The following IL1RAPL2 variants were observed in gnomAD, a reference collection of about 807,000 sequenced individuals.
IL1RAPL2 encodes the protein X-linked interleukin-1 receptor accessory protein-like 2.
In IL1RAPL2, 3 loss-of-function variants were observed where a neutral mutation model predicts 44.1. That is an observed-to-expected ratio of 0.07 (90% confidence interval 0.03 to 0.18). The LOEUF (loss-of-function observed/expected upper bound fraction) is 0.18. Ranked by LOEUF, IL1RAPL2 falls within the 10% of genes least tolerant of loss-of-function variation. The pLI is 1.00. For missense variants in IL1RAPL2, 391 were observed against 496.4 expected (o/e 0.79, Z 2.02); for synonymous variants, 181 against 178.8 (o/e 1.01, Z -0.10).
At chrX:105,015,772 G>T (rs918918026) in intron 2 of IL1RAPL2, among the ~76,000 whole-genome samples, 2 of 111,613 alleles carry the variant, frequency 1.8e-5, no homozygotes, top group African/African-American at 6.5e-5. Context: ...TGTTCTTTTT[G>T]CTTAGGATTG....
intron 2 of IL1RAPL2, among the ~76,000 whole-genome samples, chrX:104,916,998 G>A (rs1355500376): frequency 1.8e-5 from 2 of 111,579 alleles, no homozygotes; most frequent in Non-Finnish European, 3.8e-5. Context: ...TTTTTGCATT[G>A]ATGTTCATCA....
chrX:105,326,075 C>G (rs966408339), intron 5 of IL1RAPL2, among the ~76,000 whole-genome samples: 1 of 111,321 alleles, frequency 9.0e-6, no homozygotes. Context: ...TTTTTAGATA[C>G]AGGATCTCAC....
intron 2 of IL1RAPL2, among the ~76,000 whole-genome samples, chrX:105,149,335 C>T (rs755167463): frequency 1.7e-4 from 19 of 111,508 alleles, no homozygotes; most frequent in African/African-American, 3.6e-4. Context: ...TAAAAAATAG[C>T]GAGAATAGAG....
intron 2 of IL1RAPL2, among the ~76,000 whole-genome samples, chrX:104,826,727 A>G (rs965423471): frequency 9.1e-6 from 1 of 110,011 alleles, no homozygotes; most frequent in Admixed American, 9.8e-5. Flanking sequence ...TTCTCCCACT[A>G]TTATTGTGTG....
At chrX:104,582,868 C>A (rs866766601) in intron 1 of IL1RAPL2, among the ~76,000 whole-genome samples, 1 of 61,717 alleles carries the variant, frequency 1.6e-5, no homozygotes, top group African/African-American at 6.9e-5. Flanking sequence ...TTCTTTCTTT[C>A]TTTTTCTTTT....
intron 2 of IL1RAPL2, among the ~76,000 whole-genome samples, chrX:104,889,859 T>A (rs1399926506): frequency 9.0e-6 from 1 of 111,726 alleles, no homozygotes; most frequent in Non-Finnish European, 1.9e-5. Context: ...TGCAGGTTTG[T>A]TACATAGGTA....
At chrX:105,436,915 A>G (rs1198898202) in intron 5 of IL1RAPL2, among the ~76,000 whole-genome samples, 1 of 109,550 alleles carries the variant, frequency 9.1e-6, no homozygotes, top group Non-Finnish European at 1.9e-5. Flanking sequence ...GAAATCTTAC[A>G]TGGAACAATA....
chrX:104,672,115 T>C (rs1930617711), intron 2 of IL1RAPL2, among the ~76,000 whole-genome samples: 1 of 111,355 alleles, frequency 9.0e-6, no homozygotes, highest in South Asian at 3.8e-4. Context: ...TTTTTTTTTA[T>C]ACTTTAAGTT....
At chrX:104,925,372 G>A (rs1197694919) in intron 2 of IL1RAPL2, among the ~76,000 whole-genome samples, 1 of 110,551 alleles carries the variant, frequency 9.0e-6, no homozygotes, top group Non-Finnish European at 1.9e-5. Flanking sequence ...GCATCATTCT[G>A]ATACCAAGAC....
At chrX:105,058,539 C>T (rs972648838) in intron 2 of IL1RAPL2, among the ~76,000 whole-genome samples, 1 of 112,107 alleles carries the variant, frequency 8.9e-6, no homozygotes, top group Non-Finnish European at 1.9e-5. Context: ...TTTCTGTGCC[C>T]CTGCTGTCAA....
intron 2 of IL1RAPL2, among the ~76,000 whole-genome samples, chrX:105,143,517 C>T: frequency 8.9e-6 from 1 of 111,746 alleles, no homozygotes; most frequent in East Asian, 2.8e-4. Context: ...CTAGTTCAAC[C>T]ATTGTGGAAG....
chrX:105,350,619 G>T, intron 5 of IL1RAPL2, among the ~76,000 whole-genome samples: 1 of 111,423 alleles, frequency 9.0e-6, no homozygotes, highest in Non-Finnish European at 1.9e-5. Flanking sequence ...GCTATCTGGG[G>T]AGGCTGAGGC....
chrX:105,378,882 C>T (rs1166241158), intron 5 of IL1RAPL2, among the ~76,000 whole-genome samples: 3 of 111,815 alleles, frequency 2.7e-5, no homozygotes, highest in East Asian at 2.8e-4. Flanking sequence ...CTACTATGTG[C>T]GGAGCATCAC....
At chrX:104,854,680 G>A (rs1468796034) in intron 2 of IL1RAPL2, among the ~76,000 whole-genome samples, 2 of 109,491 alleles carry the variant, frequency 1.8e-5, no homozygotes, top group African/African-American at 6.7e-5. Flanking sequence ...CTTTGGAGAT[G>A]CTATAGTAGA....
intron 6 of IL1RAPL2, among the ~76,000 whole-genome samples, chrX:105,612,167 T>G (rs982132715): frequency 8.9e-6 from 1 of 111,764 alleles, no homozygotes; most frequent in South Asian, 3.8e-4. Flanking sequence ...AATGTGATGT[T>G]GTGATCATGG....
chrX:105,728,204 T>A (rs1037427582), intron 7 of IL1RAPL2, among the ~76,000 whole-genome samples: 28 of 111,471 alleles, frequency 2.5e-4, no homozygotes, highest in African/African-American at 8.4e-4. Context: ...CTCCCAGAAC[T>A]CCTGGCAACT....
At chrX:104,641,224 A>G (rs1225877059) in intron 1 of IL1RAPL2, among the ~76,000 whole-genome samples, 1 of 111,683 alleles carries the variant, frequency 9.0e-6, no homozygotes, top group Non-Finnish European at 1.9e-5. Context: ...TTTAGGCCCA[A>G]TATTATGCCT....
chrX:105,450,907 AGTGTGTGTGTGTGTGTGT>A lies in IL1RAPL2; in HGVS notation c.698-33388_698-33371del, dbSNP rs747929543. Among the ~76,000 whole-genome samples, 26 of 94,141 alleles carry A rather than the reference AGTGTGTGTGTGTGTGTGT, an allele frequency of 2.8e-4. No homozygotes were observed. The Admixed American group carries it at 2.8e-3, about 10-fold the overall frequency. 81.8% of individuals were successfully genotyped at this position (94,141 alleles called of 115,157 possible). ...AGACCACAACTCAGTCTTAGGTCCG[AGTGTGTGTGTGTGTGTGT>A]GTGTGTGTGTGTGTGTGGTTTACTG... is the stretch of plus-strand genomic sequence containing the variant. On this transcript the variant is annotated intron_variant, in intron 5 of 10. Coordinates refer to ENST00000372582, the MANE Select transcript of IL1RAPL2 (RefSeq NM_017416.2).
At chrX:105,573,313 C>A (rs2037028408) in intron 6 of IL1RAPL2, among the ~76,000 whole-genome samples, 2 of 111,435 alleles carry the variant, frequency 1.8e-5, no homozygotes, top group African/African-American at 6.5e-5. Flanking sequence ...CCTGCTTCAG[C>A]CTCCCAAAGT....
Sources: gnomAD v4.1 joint callset for allele counts (sites outside exome capture counted in the v4.1 genomes callset) on GRCh38, gnomAD v4.1.1 for gene constraint, MANE v1.5 for transcripts, NCBI Gene and HGNC (gene_info 2026-07-23, HGNC 2026-07-21) for gene names.